The following ERCC6 variants were observed in gnomAD, a reference collection of about 807,000 sequenced individuals.
The protein encoded by ERCC6 is DNA excision repair protein ERCC-6.
In ERCC6, 116 loss-of-function variants were observed where a neutral mutation model predicts 158.7. The ratio of observed to expected loss-of-function variants is 0.73; its 90% CI spans 0.63 to 0.85. ERCC6 has a LOEUF of 0.85. Among genes scored for constraint, ERCC6 ranks in the 40% least tolerant of loss-of-function variants. The pLI is 0.00. For missense variants in ERCC6, 1,698 were observed against 1,799.4 expected, an observed-to-expected ratio of 0.94 and a Z score of 1.02; for synonymous variants, 678 against 659.3, an observed-to-expected ratio of 1.03 and a Z score of -0.43.
chr10:49,533,440 G>C (rs1442467427), intron 1 of ERCC6, among the ~76,000 whole-genome samples: 1 of 152,182 alleles, frequency 6.6e-6, no homozygotes, highest in Non-Finnish European at 1.5e-5. Flanking sequence ...GAAACTCCTA[G>C]GCTGAATACC....
intron 2 of ERCC6, among the ~76,000 whole-genome samples, chr10:49,531,739 AC>A (rs1837473272): frequency 6.6e-6 from 1 of 152,162 alleles, no homozygotes; most frequent in Non-Finnish European, 1.5e-5. Flanking sequence ...TGAAGTACCA[AC>A]AACCACATTC....
chr10:49,510,919 T>C lies in ERCC6; in HGVS notation c.1398-4907A>G, dbSNP rs149876669. Among the ~76,000 whole-genome samples, 577 of 151,712 alleles carry C rather than the reference T, an allele frequency of 3.8e-3. 1 individual carries two copies. The highest frequency in any genetic ancestry group is 6.8e-3 in the Middle Eastern group (2 of 294). On this transcript the variant is annotated intron_variant, in intron 5 of 20. Transcript: ENST00000355832. ...AAGCACTGCTCCTAGCTCTGTCCACTGGATAAAAATGGTTAAGGTTCGCTA... is the reference window on the plus strand; with the variant it reads ...AAGCACTGCTCCTAGCTCTGTCCACCGGATAAAAATGGTTAAGGTTCGCTA...
At chr10:49,491,499 G>A (rs575357449) in intron 8 of ERCC6, among the ~76,000 whole-genome samples, 1 of 152,298 alleles carries the variant, frequency 6.6e-6, no homozygotes, top group South Asian at 2.1e-4. Context: ...GCAAGTGTCT[G>A]TGAAGGTAAA....
At position 49,455,387 on chromosome 10, in the gene ERCC6, A is replaced by C. The variant is rs943884999; in HGVS notation, c.*3428T>G. 6 of 152,242 alleles carry C rather than the reference A, an allele frequency of 3.9e-5. No individual in the cohort carries two copies. The highest frequency in any genetic ancestry group is 1.4e-4 in the African/African-American group (6 of 41,468). 9.4% of individuals were successfully genotyped at this position (152,242 alleles called of 1,614,324 possible). Reference sequence around the variant, plus strand: ...CTAGTCAAAAGAACACCACAATTTTACTGGAATTTAATAAACTAATTCTTG... The same window carrying C: ...CTAGTCAAAAGAACACCACAATTTTCCTGGAATTTAATAAACTAATTCTTG... On this transcript the variant is annotated 3_prime_UTR_variant, in exon 21 of 21. Coordinates refer to ENST00000355832, the MANE Select transcript of ERCC6 (RefSeq NM_000124.4).
At chr10:49,437,570 G>A in the ERCC6 span, among the ~76,000 whole-genome samples, 3 of 152,144 alleles carry the variant, frequency 2.0e-5, no homozygotes, top group Non-Finnish European at 4.4e-5. Flanking sequence ...TTATTGGGGT[G>A]TCCTTTCTCT....
chr10:49,482,330 G>A (rs1590417094), intron 10 of ERCC6, among the ~76,000 whole-genome samples: 2 of 152,218 alleles, frequency 1.3e-5, no homozygotes, highest in Middle Eastern at 6.8e-3. Flanking sequence ...TAAATTACAT[G>A]CTGTTCCAAA....
intron 8 of ERCC6, among the ~76,000 whole-genome samples, chr10:49,488,003 T>G (rs895579468): frequency 1.3e-5 from 2 of 152,220 alleles, no homozygotes; most frequent in Non-Finnish European, 2.9e-5. Flanking sequence ...AGACTGGAGT[T>G]TCAATAATGG....
At chr10:49,535,786 G>A (rs1366429729) in intron 1 of ERCC6, among the ~76,000 whole-genome samples, 1 of 149,886 alleles carries the variant, frequency 6.7e-6, no homozygotes, top group Middle Eastern at 3.7e-3. Flanking sequence ...ATGAGAAAAG[G>A]CTGAGTGAAT....
At chr10:49,532,294 T>C (rs1044329719) in intron 2 of ERCC6, among the ~76,000 whole-genome samples, 2 of 152,194 alleles carry the variant, frequency 1.3e-5, no homozygotes, top group Admixed American at 6.5e-5. Context: ...CCTTCTCTTC[T>C]GGACATTATG....
rs978143826 is a variant in ERCC6 at position 49,454,788 on chromosome 10, A to G, written c.*4027T>C. ...AATCATTCTACCATTTGTGATAATC[A>G]ATTATGATACCACAATGATAAAAAC... On this transcript the variant is annotated 3_prime_UTR_variant, in exon 21 of 21. Transcript: ENST00000355832. 6.6e-6 allele frequency among the ~76,000 whole-genome samples: 1 copy of G among 152,238 alleles called. No homozygotes were observed. Among genetic ancestry groups the G allele is most frequent in the Non-Finnish European group, 1.5e-5 (1 of 68,036 alleles).
At chr10:49,496,972 C>T (rs1288966550) in intron 7 of ERCC6, among the ~76,000 whole-genome samples, 1 of 152,122 alleles carries the variant, frequency 6.6e-6, no homozygotes, top group East Asian at 1.9e-4. Context: ...TTAAATGAGG[C>T]CTACCCTTAT....
chr10:49,454,117 G>A (rs1319836123), downstream of ERCC6, among the ~76,000 whole-genome samples: 1 of 145,228 alleles, frequency 6.9e-6, no homozygotes, highest in African/African-American at 2.5e-5. Flanking sequence ...ACATTTCTCT[G>A]AGGTTTTGCT....
intron 10 of ERCC6, among the ~76,000 whole-genome samples, chr10:49,480,068 G>A (rs978801519): frequency 6.6e-6 from 1 of 152,184 alleles, no homozygotes; most frequent in African/African-American, 2.4e-5. Flanking sequence ...AATAAAGAGG[G>A]TCAACTAGGC....
In ERCC6 at chr10:49,473,992, C is replaced by T. The variant is rs778202159; in HGVS notation, c.2598+35G>A. The T allele has an allele frequency of 1.5e-5, 23 of 1,579,082 alleles. No individual in the cohort carries two copies. In the East Asian group the frequency reaches 3.6e-4, roughly 25 times the overall value. ...GTGAGTTGATGGCTGTCATAAAGAA[C>T]CAGCCTGTTTCCCGTCTGAAGTCTG... On this transcript the variant is annotated intron_variant, in intron 13 of 20. Transcript: ENST00000355832.
intron 5 of ERCC6, among the ~76,000 whole-genome samples, chr10:49,511,415 T>C (rs999865738): frequency 3.7e-5 from 5 of 133,794 alleles, no homozygotes. Context: ...GTGTTGTTCA[T>C]CTTCTTTTTT....
chr10:49,473,600 G>A lies in ERCC6; in HGVS notation c.2599-13C>T. The A allele has an allele frequency of 1.3e-6, 2 of 1,490,766 alleles. No homozygotes were observed. The highest frequency in any genetic ancestry group is 1.9e-6 in the Non-Finnish European group (2 of 1,067,544). The allele number at this position is 1,490,766 out of a possible 1,614,324, so 92.3% of individuals were successfully genotyped here. A position where few individuals can be genotyped will look rare whatever the true frequency, so the allele number is the denominator to read the frequency against. On this transcript the variant is annotated splice_polypyrimidine_tract_variant and intron_variant, in intron 13 of 20. Transcript: ENST00000355832. The stretch of plus-strand genomic sequence containing the variant: ...GTATGTCCAGCATCTGTTTGGAGGT[G>A]GGGGATAGGAGTTTGCAAAGCAAAT...
At chr10:49,460,257 C>G (rs189163770) in intron 20 of ERCC6, 116 bp downstream of exon 20, 2 of 754,422 alleles carry the variant, frequency 2.7e-6, no homozygotes, top group African/African-American at 3.4e-5. Context: ...ACACAAATAT[C>G]AGGTGTCATT....
intron 8 of ERCC6, among the ~76,000 whole-genome samples, chr10:49,484,128 A>G (rs1298785440): frequency 4.0e-5 from 6 of 151,760 alleles, no homozygotes; most frequent in Admixed American, 3.9e-4. Context: ...AAAAATTTTA[A>G]AAGTTAGCTG....
intron 1 of ERCC6, among the ~76,000 whole-genome samples, chr10:49,536,031 G>A (rs112644868): frequency 2.0e-5 from 3 of 152,178 alleles, no homozygotes; most frequent in Admixed American, 6.5e-5. Flanking sequence ...CACGAGAATC[G>A]CTTGAACCCA....
Sources: gnomAD v4.1 joint callset for allele counts (sites outside exome capture counted in the v4.1 genomes callset) on GRCh38, gnomAD v4.1.1 for gene constraint, MANE v1.5 for transcripts, NCBI Gene and HGNC (gene_info 2026-07-23, HGNC 2026-07-21) for gene names.